Variants in PCDHA5 observed in about 807,000 individuals in gnomAD.
The protein encoded by PCDHA5 is protocadherin alpha-5.
Under a neutral mutation model 61.6 loss-of-function variants are expected in PCDHA5, and 43 were observed. The ratio of observed to expected loss-of-function variants is 0.70; its 90% CI spans 0.55 to 0.90. PCDHA5 has a LOEUF of 0.90. Ranked by LOEUF, PCDHA5 falls within the 40% of genes least tolerant of loss-of-function variation. The pLI, the probability that PCDHA5 is intolerant of heterozygous loss-of-function variation, is 0.00. For missense variants in PCDHA5, 1,298 were observed against 1,222.7 expected (o/e 1.06, Z -0.92); for synonymous variants, 627 against 543.9 (o/e 1.15, Z -2.13).
intron 1 of PCDHA5, chr5:140,856,650 G>A (rs2044132398): frequency 1.3e-6 from 2 of 1,598,026 alleles, no homozygotes; most frequent in African/African-American, 2.7e-5. Flanking sequence ...CTGCTGGATC[G>A]TGAAGAAAAT....
intron 1 of PCDHA5, among the ~76,000 whole-genome samples, chr5:140,891,690 C>T (rs12518591): frequency 0.01 from 1,559 of 152,280 alleles, 92 homozygotes; most frequent in Admixed American, 0.092. Context: ...TCTCTTCTTG[C>T]TGTTGTCTGA....
chr5:140,824,141 T>A lies in PCDHA5; in HGVS notation c.2352+14T>A. On this transcript the variant is annotated intron_variant, in intron 1 of 3. Coordinates refer to ENST00000529859, the MANE Select transcript of PCDHA5 (RefSeq NM_018908.3). ...TCTACAGACAACGTGAGTTTTCTAA[T>A]ATTAACATCCATCTTTCCCTCCCAA... 2 of 1,612,188 alleles carry A rather than the reference T, an allele frequency of 1.2e-6. No individual in the cohort carries two copies. The highest frequency in any genetic ancestry group is 1.7e-6 in the Non-Finnish European group (2 of 1,178,234).
intron 1 of PCDHA5, among the ~76,000 whole-genome samples, chr5:140,886,254 CTA>C (rs1304679943): frequency 6.6e-6 from 1 of 151,720 alleles, no homozygotes; most frequent in Non-Finnish European, 1.5e-5. Flanking sequence ...AAAAGTATCT[CTA>C]TTTATAGATA....
intron 1 of PCDHA5, among the ~76,000 whole-genome samples, chr5:140,838,431 T>C (rs2150289310): frequency 1.3e-5 from 2 of 151,754 alleles, no homozygotes; most frequent in Non-Finnish European, 2.9e-5. Context: ...GCCTAAATTA[T>C]ATATTGGGTT....
chr5:140,854,718 A>G (rs1417789198), intron 1 of PCDHA5: 1 of 149,960 alleles, frequency 6.7e-6, no homozygotes, highest in Non-Finnish European at 1.5e-5. Flanking sequence ...AAAGACAGAA[A>G]ACTCAAGTTT....
rs782417854 is a variant in PCDHA5 at position 140,967,777 on chromosome 5, G to T, written c.2353-11172G>T. On this transcript the variant is annotated intron_variant, in intron 1 of 3. Transcript: ENST00000529859. The stretch of plus-strand genomic sequence containing the variant: ...CCTCCTACCAGATCTATGTGCAGGC[G>T]ACTGACCGGGGTCCAGTGCCCATGG... 2.5e-6 allele frequency: 4 copies of T among 1,614,186 alleles called. No individual in the cohort carries two copies. The South Asian group carries it at 4.4e-5, about 18-fold the overall frequency.
chr5:140,985,488 A>G (rs1554247116), intron 3 of PCDHA5, among the ~76,000 whole-genome samples: 1 of 152,156 alleles, frequency 6.6e-6, no homozygotes, highest in Non-Finnish European at 1.5e-5. Flanking sequence ...CCAGACTCAA[A>G]TAGAGCCTGC....
chr5:140,833,252 G>A (rs1554133803), intron 1 of PCDHA5, among the ~76,000 whole-genome samples: 2 of 152,156 alleles, frequency 1.3e-5, no homozygotes, highest in African/African-American at 4.8e-5. Flanking sequence ...AATACACCAG[G>A]AGAGCAGCAA....
In PCDHA5 at chr5:140,821,870, A is replaced by C. The variant is rs2150111389; in HGVS notation, c.95A>C (p.Tyr32Ser). 1 of 1,613,994 alleles carries C rather than the reference A, an allele frequency of 6.2e-7. No homozygotes were observed. The highest frequency in any genetic ancestry group is 1.1e-5 in the South Asian group (1 of 91,056). Residue 32 changes from tyrosine (Y) to serine (S), a missense_variant, in exon 1 of 4, where the codon TAC becomes TCC. Coordinates refer to ENST00000529859, the MANE Select transcript of PCDHA5 (RefSeq NM_018908.3). ...AAGGCAGGGAGCGGCCAGCTCCACT[A>C]CTCGATCCCGGAGGAAGCCAAACAC... is the stretch of plus-strand genomic sequence containing the variant. Reference protein sequence around the residue: ...YWKAGSGQLHYSIPEEAKHGT... With the variant: ...YWKAGSGQLHSSIPEEAKHGT...
At chr5:140,883,208 A>C in intron 1 of PCDHA5, 3 of 1,614,034 alleles carry the variant, frequency 1.9e-6, no homozygotes, top group Non-Finnish European at 1.7e-6. Context: ...CGAAGAAAAG[A>C]AATTATATGA....
chr5:140,969,600 C>CTAAAACACA, intron 1 of PCDHA5: 1 of 778,552 alleles, frequency 1.3e-6, no homozygotes, highest in South Asian at 2.1e-5. Flanking sequence ...ATATTTAATG[C>CTAAAACACA]TAAAACACAG....
intron 1 of PCDHA5, chr5:140,868,832 C>T: frequency 2.4e-6 from 1 of 420,492 alleles, no homozygotes; most frequent in Non-Finnish European, 4.1e-6. Context: ...GGAAGAAACC[C>T]AAAACACGTG....
At position 140,877,189 on chromosome 5, in the gene PCDHA5, G is replaced by C. The variant is rs370743077; in HGVS notation, c.2352+53062G>C. ...ACTGCTGGCGACTCCGGCTGGCAGC[G>C]CAGGAGGCGCAGTTAGCGAGTTGGT... On this transcript the variant is annotated intron_variant, in intron 1 of 3. Coordinates refer to ENST00000529859, the MANE Select transcript of PCDHA5 (RefSeq NM_018908.3). The C allele has an allele frequency of 5.1e-5, 82 of 1,613,690 alleles. No homozygotes were observed. Among genetic ancestry groups the C allele is most frequent in the Non-Finnish European group, 6.4e-5 (75 of 1,179,826 alleles).
At chr5:140,966,655 G>C in intron 1 of PCDHA5, 1 of 1,195,250 alleles carries the variant, frequency 8.4e-7, no homozygotes, top group South Asian at 2.0e-5. Context: ...CGTGAGCGGT[G>C]GGGGAGCAGG....
intron 1 of PCDHA5, among the ~76,000 whole-genome samples, chr5:140,912,281 A>G (rs571303094): frequency 3.3e-5 from 5 of 152,200 alleles, no homozygotes; most frequent in Non-Finnish European, 7.4e-5. Context: ...ATACCCAGGA[A>G]CAATACTTTG....
chr5:140,830,729 T>C, intron 1 of PCDHA5: 1 of 215,658 alleles, frequency 4.6e-6, no homozygotes, highest in Non-Finnish European at 9.1e-6. Context: ...AAAATATTCT[T>C]GGATATGTCG....
intron 1 of PCDHA5, chr5:140,967,227 A>G (rs1586199202): frequency 1.2e-6 from 2 of 1,613,742 alleles, no homozygotes; most frequent in Admixed American, 1.7e-5. Flanking sequence ...CCCAACTACC[A>G]GCTTCAGGTA....
intron 1 of PCDHA5, among the ~76,000 whole-genome samples, chr5:140,914,530 C>T (rs1305035760): frequency 1.3e-5 from 2 of 152,096 alleles, no homozygotes; most frequent in African/African-American, 2.4e-5. Flanking sequence ...ATCCATTCAG[C>T]CACTTTATTT....
chr5:140,837,661 T>C (rs1775184635), intron 1 of PCDHA5, among the ~76,000 whole-genome samples: 1 of 151,786 alleles, frequency 6.6e-6, no homozygotes, highest in East Asian at 1.9e-4. Flanking sequence ...TCCTTTTTCT[T>C]TCATTCTTTT....
Sources: allele counts gnomAD v4.1 joint callset (sites outside exome capture counted in the v4.1 genomes callset), GRCh38; gene constraint gnomAD v4.1.1; transcripts MANE v1.5; gene names NCBI Gene and HGNC (gene_info 2026-07-23, HGNC 2026-07-21).